Variants in NAV3 observed in about 807,000 individuals in gnomAD.
The protein encoded by NAV3 is neuron navigator 3.
In NAV3, 87 loss-of-function variants were observed where a neutral mutation model predicts 244.7. That is an observed-to-expected ratio of 0.36 (90% CI 0.30 to 0.42). The LOEUF (loss-of-function observed/expected upper bound fraction) is 0.42. NAV3 is among the 20% of genes least tolerant of loss of function. The pLI is 1.00. For synonymous variants in NAV3, 1,126 were observed against 1,042.2 expected (o/e 1.08, Z -1.55); for missense variants, 2,663 against 2,893.3 (o/e 0.92, Z 1.83).
chr12:78,162,893 T>TATATATATAAATATATATAATATATA, intron 23 of NAV3, among the ~76,000 whole-genome samples: 1 of 129,444 alleles, frequency 7.7e-6, no homozygotes, highest in East Asian at 2.1e-4. Flanking sequence ...ATATATATAA[T>TATATATATAAATATATATAATATATA]ATATATATAA....
At chr12:78,146,705 C>G (rs1208061270) in intron 21 of NAV3, among the ~76,000 whole-genome samples, 1 of 152,010 alleles carries the variant, frequency 6.6e-6, no homozygotes, top group Non-Finnish European at 1.5e-5. Flanking sequence ...TATTTTATTA[C>G]AGTCTTTTTC....
intron 13 of NAV3, 42 bp downstream of exon 13, chr12:78,116,946 T>A (rs1426115622): frequency 6.3e-7 from 1 of 1,594,094 alleles, no homozygotes; most frequent in Non-Finnish European, 8.6e-7. Flanking sequence ...TTCTGCCAGC[T>A]TTTTCCCCAA....
intron 12 of NAV3, among the ~76,000 whole-genome samples, chr12:78,093,581 T>C (rs1954076209): frequency 6.6e-6 from 1 of 152,028 alleles, no homozygotes; most frequent in Non-Finnish European, 1.5e-5. Context: ...GTGGAAAAGC[T>C]ATAGGGAATA....
chr12:77,573,647 C>A (rs541310100), intron 2 of NAV3, among the ~76,000 whole-genome samples: 1 of 152,136 alleles, frequency 6.6e-6, no homozygotes, highest in Non-Finnish European at 1.5e-5. Flanking sequence ...AATTTAACTA[C>A]TAAGAAGCCA....
chr12:78,048,939 GC>G (rs1189609218), intron 9 of NAV3, among the ~76,000 whole-genome samples: 5 of 152,200 alleles, frequency 3.3e-5, no homozygotes, highest in Non-Finnish European at 7.3e-5. Context: ...ATCTAGAGAG[GC>G]AGTCTGGCTA....
At chr12:77,794,730 T>C (rs1520726) in intron 2 of NAV3, among the ~76,000 whole-genome samples, 93,587 of 152,080 alleles carry the variant, frequency 0.62, 29,254 homozygotes, top group African/African-American at 0.72. Context: ...GTGATACTCA[T>C]GATATTTCCA....
At chr12:77,701,221 T>C (rs1875545337) in intron 2 of NAV3, among the ~76,000 whole-genome samples, 1 of 152,004 alleles carries the variant, frequency 6.6e-6, no homozygotes, top group African/African-American at 2.4e-5. Context: ...AAATTTATTT[T>C]CTTTAATGAT....
intron 39 of NAV3, among the ~76,000 whole-genome samples, chr12:78,207,208 A>C (rs780950929): frequency 3.9e-5 from 6 of 152,314 alleles, no homozygotes; most frequent in Non-Finnish European, 7.4e-5. Context: ...TCCACTATTT[A>C]GTGTCAGAAA....
chr12:77,583,404 T>G (rs985904202), intron 2 of NAV3, among the ~76,000 whole-genome samples: 1 of 152,222 alleles, frequency 6.6e-6, no homozygotes, highest in Non-Finnish European at 1.5e-5. Context: ...ACACCTTGTA[T>G]GTACATGTTA....
At chr12:77,705,961 A>G (rs1875779514) in intron 2 of NAV3, among the ~76,000 whole-genome samples, 1 of 151,430 alleles carries the variant, frequency 6.6e-6, no homozygotes, top group South Asian at 2.1e-4. Flanking sequence ...TAAACATTTG[A>G]TGTGTTCATC....
intron 1 of NAV3, among the ~76,000 whole-genome samples, chr12:77,900,897 G>T (rs1885209530): frequency 6.6e-6 from 1 of 152,096 alleles, no homozygotes; most frequent in Non-Finnish European, 1.5e-5. Flanking sequence ...AGCATCTGTA[G>T]TTTGTTGACT....
At chr12:78,174,136 A>C (rs1420356592) in intron 24 of NAV3, among the ~76,000 whole-genome samples, 1 of 151,764 alleles carries the variant, frequency 6.6e-6, no homozygotes, top group African/African-American at 2.4e-5. Context: ...TATTAACGGA[A>C]ATGGACTAAA....
At chr12:77,784,250 C>T (rs887230415) in intron 2 of NAV3, among the ~76,000 whole-genome samples, 5 of 152,082 alleles carry the variant, frequency 3.3e-5, no homozygotes, top group African/African-American at 4.8e-5. Context: ...TATGATGTCC[C>T]CTCTCCCCTA....
At position 78,103,689 on chromosome 12, in the gene NAV3, T is replaced by C. The variant is rs377637606; in HGVS notation, c.2637-13083T>C. ...CAATCATGGCAGGAGGCAAAAGGCA[T>C]TTCTTACATGATGGCAGCAAGAGAA... On this transcript the variant is annotated intron_variant, in intron 12 of 39. Transcript: ENST00000397909. Among the ~76,000 whole-genome samples the C allele has an allele frequency of 2.6e-5, 4 of 152,328 alleles. No individual in the cohort carries two copies. In the East Asian group the frequency reaches 7.7e-4, roughly 29 times the overall value.
intron 2 of NAV3, among the ~76,000 whole-genome samples, chr12:77,602,110 A>G (rs547837404): frequency 6.6e-6 from 1 of 152,140 alleles, no homozygotes; most frequent in African/African-American, 2.4e-5. Context: ...GAAGGAGCAA[A>G]TGTGAGAAGA....
At chr12:77,808,936 C>A (rs113924160) in intron 2 of NAV3, among the ~76,000 whole-genome samples, 1 of 152,264 alleles carries the variant, frequency 6.6e-6, no homozygotes, top group South Asian at 2.1e-4. Flanking sequence ...CGGTGGGCTC[C>A]GCCCAGTTCG....
intron 22 of NAV3, among the ~76,000 whole-genome samples, chr12:78,154,540 T>C (rs1043009073): frequency 6.6e-6 from 1 of 151,360 alleles, no homozygotes; most frequent in Non-Finnish European, 1.5e-5. Flanking sequence ...TGCACCAGCC[T>C]AATACATTGT....
chr12:77,917,551 C>T (rs1887272147), intron 1 of NAV3, among the ~76,000 whole-genome samples: 1 of 151,896 alleles, frequency 6.6e-6, no homozygotes, highest in Admixed American at 6.6e-5. Context: ...GTGTAACGGT[C>T]CTATTTTCTA....
At position 78,119,409 on chromosome 12, in the gene NAV3, T is replaced by C. The variant is rs767711654; in HGVS notation, c.3213T>C (p.Ser1071=). The change falls in exon 15 of 40, where the codon AGT becomes AGC. Residue 1071 remains serine, a synonymous_variant. Transcript: ENST00000397909. ...GCTCCTTTGGCTTTAAGAAACCAAGTGGAGTAGGGTCATCTGCCATGATCA... is the reference window on the plus strand; with the variant it reads ...GCTCCTTTGGCTTTAAGAAACCAAGCGGAGTAGGGTCATCTGCCATGATCA... ...ATSSFGFKKP[S]GVGSSAMITS... 1 of 1,613,958 alleles carries C rather than the reference T, an allele frequency of 6.2e-7. No homozygotes were observed. The highest frequency in any genetic ancestry group is 1.3e-5 in the African/African-American group (1 of 74,890).
Sources: allele counts gnomAD v4.1 joint callset (sites outside exome capture counted in the v4.1 genomes callset), GRCh38; gene constraint gnomAD v4.1.1; transcripts MANE v1.5; gene names NCBI Gene and HGNC (gene_info 2026-07-23, HGNC 2026-07-21).